The following GULP1 variants were observed in gnomAD, a reference collection of about 807,000 sequenced individuals.
The protein encoded by GULP1 is PTB domain-containing engulfment adapter protein 1.
GULP1 carries 19 observed loss-of-function variants against 40.9 expected under a neutral mutation model. That is an observed-to-expected ratio of 0.46 (90% confidence interval 0.32 to 0.68). The LOEUF (loss-of-function observed/expected upper bound fraction) is 0.68. GULP1 is among the 30% of genes least tolerant of loss of function. The pLI is 0.03. For missense variants in GULP1, 312 were observed against 362.2 expected (o/e 0.86, Z 1.12); for synonymous variants, 119 against 117.6 (o/e 1.01, Z -0.08).
chr2:188,468,055 A>T (rs76057622), intron 2 of GULP1, among the ~76,000 whole-genome samples: 1 of 152,196 alleles, frequency 6.6e-6, no homozygotes, highest in African/African-American at 2.4e-5. Context: ...CTTGACTTCA[A>T]TGAAACTTTT....
At chr2:188,525,521 T>C (rs1685940675) in intron 5 of GULP1, among the ~76,000 whole-genome samples, 1 of 152,222 alleles carries the variant, frequency 6.6e-6, no homozygotes, top group Non-Finnish European at 1.5e-5. Flanking sequence ...AATAGTGATT[T>C]ATATATATTT....
intron 1 of GULP1, among the ~76,000 whole-genome samples, chr2:188,368,108 T>C (rs563740388): frequency 6.8e-4 from 104 of 152,310 alleles, no homozygotes; most frequent in African/African-American, 2.4e-3. Context: ...GGGTATGATT[T>C]TGTAAGTATG....
intron 4 of GULP1, among the ~76,000 whole-genome samples, chr2:188,484,740 T>C (rs1380011455): frequency 6.6e-6 from 1 of 152,150 alleles, no homozygotes; most frequent in Non-Finnish European, 1.5e-5. Context: ...TTTAAAAGCC[T>C]ATGTAGAAGA....
chr2:188,485,202 G>A lies in GULP1; in HGVS notation c.90+1710G>A, dbSNP rs769880807. On this transcript the variant is annotated intron_variant, in intron 4 of 11. Coordinates refer to ENST00000409830, the MANE Select transcript of GULP1 (RefSeq NM_016315.4). ...AAAACAGCTTTATAAAAGATTAAAA[G>A]GTTATATTATAATTAGATCTACCTT... Among the ~76,000 whole-genome samples the A allele has an allele frequency of 2.6e-5, 4 of 151,996 alleles. 1 individual carries two copies. The highest frequency in any genetic ancestry group is 6.4e-3 in the Middle Eastern group (2 of 314).
intron 6 of GULP1, among the ~76,000 whole-genome samples, chr2:188,533,381 G>A (rs975076667): frequency 1.3e-5 from 2 of 151,976 alleles, no homozygotes; most frequent in Admixed American, 1.3e-4. Context: ...TAACAGATGG[G>A]GAAATGATTA....
At chr2:188,517,431 C>G (rs886805704) in intron 4 of GULP1, among the ~76,000 whole-genome samples, 1 of 152,096 alleles carries the variant, frequency 6.6e-6, no homozygotes, top group Admixed American at 6.5e-5. Context: ...TGCAATATAT[C>G]TATATTGACT....
intron 3 of GULP1, 141 bp from the exon 4 acceptor site, chr2:188,483,290 C>G (rs2061580301): frequency 6.9e-6 from 3 of 432,310 alleles, no homozygotes; most frequent in Non-Finnish European, 8.5e-6. Flanking sequence ...GTTCTTCTAT[C>G]TGAGTGGTTA....
chr2:188,546,668 A>C (rs1290555397), intron 7 of GULP1, among the ~76,000 whole-genome samples: 1 of 152,078 alleles, frequency 6.6e-6, no homozygotes, highest in Non-Finnish European at 1.5e-5. Flanking sequence ...CAACAAAAAT[A>C]TCAAAATAAA....
At chr2:188,411,784 T>C (rs1475508543) in intron 2 of GULP1, among the ~76,000 whole-genome samples, 1 of 152,212 alleles carries the variant, frequency 6.6e-6, no homozygotes, top group African/African-American at 2.4e-5. Flanking sequence ...CATTTCTTCT[T>C]CTGTGCAAAG....
chr2:188,328,936 G>C (rs2041152221), intron 1 of GULP1, among the ~76,000 whole-genome samples: 1 of 152,060 alleles, frequency 6.6e-6, no homozygotes, highest in Non-Finnish European at 1.5e-5. Flanking sequence ...GAAGTCAGAA[G>C]CATCTATGAT....
intron 1 of GULP1, among the ~76,000 whole-genome samples, chr2:188,379,691 C>T (rs2048761722): frequency 6.6e-6 from 1 of 152,306 alleles, no homozygotes; most frequent in East Asian, 1.9e-4. Flanking sequence ...AATGTTATAA[C>T]ATGGCAGTCA....
intron 11 of GULP1, 193 bp from the exon 12 acceptor site, chr2:188,593,747 T>C: frequency 2.3e-6 from 1 of 435,678 alleles, no homozygotes; most frequent in Non-Finnish European, 4.2e-6. Context: ...AACATTAAAG[T>C]GTTAATGGGT....
intron 2 of GULP1, among the ~76,000 whole-genome samples, chr2:188,425,148 C>G (rs980854217): frequency 6.6e-6 from 1 of 152,016 alleles, no homozygotes; most frequent in African/African-American, 2.4e-5. Flanking sequence ...CTGCCCATCA[C>G]CTACTACTGG....
At chr2:188,376,693 G>A (rs2048332229) in intron 1 of GULP1, among the ~76,000 whole-genome samples, 1 of 152,176 alleles carries the variant, frequency 6.6e-6, no homozygotes, top group Admixed American at 6.6e-5. Context: ...GATAAAATTT[G>A]CCAAATTGTC....
At chr2:188,556,014 C>A (rs1694649963) in intron 7 of GULP1, among the ~76,000 whole-genome samples, 1 of 150,460 alleles carries the variant, frequency 6.6e-6, no homozygotes. Flanking sequence ...GCTAAGATTG[C>A]ACCACTGCAG....
chr2:188,426,211 A>G (rs2056177166), intron 2 of GULP1, among the ~76,000 whole-genome samples: 1 of 152,212 alleles, frequency 6.6e-6, no homozygotes, highest in African/African-American at 2.4e-5. Flanking sequence ...CTGACAGGCA[A>G]TTGGTAGAAA....
chr2:188,425,953 G>A (rs1040053411), intron 2 of GULP1, among the ~76,000 whole-genome samples: 5 of 152,050 alleles, frequency 3.3e-5, no homozygotes, highest in African/African-American at 1.2e-4. Context: ...ATTTAAAGTG[G>A]TTTATTCTGA....
At chr2:188,450,291 T>G (rs1403394873) in intron 2 of GULP1, among the ~76,000 whole-genome samples, 6 of 152,164 alleles carry the variant, frequency 3.9e-5, no homozygotes, top group Non-Finnish European at 8.8e-5. Flanking sequence ...ATTACTATTT[T>G]TATCATAATA....
intron 2 of GULP1, among the ~76,000 whole-genome samples, chr2:188,421,714 A>AGTGACCATTCTTGCTGGGGAGTGGG (rs2055441731): frequency 6.6e-6 from 1 of 152,156 alleles, no homozygotes; most frequent in African/African-American, 2.4e-5. Context: ...TAGAGAGTGG[A>AGTGACCATTCTTGCTGGGGAGTGGG]GTGACCATTC....
Sources: gnomAD v4.1 joint callset for allele counts (sites outside exome capture counted in the v4.1 genomes callset) on GRCh38, gnomAD v4.1.1 for gene constraint, MANE v1.5 for transcripts, NCBI Gene and HGNC (gene_info 2026-07-23, HGNC 2026-07-21) for gene names.